Variants in ADAMTS17 observed in about 807,000 individuals in gnomAD.
The protein encoded by ADAMTS17 is A disintegrin and metalloproteinase with thrombospondin motifs 17.
In ADAMTS17, 113 loss-of-function variants were observed where a neutral mutation model predicts 141.5. The observed-to-expected ratio is 0.80, with a 90% CI of 0.69 to 0.93. The LOEUF (loss-of-function observed/expected upper bound fraction) is 0.93, where lower values mean the gene tolerates loss of function less well. Among genes scored for constraint, ADAMTS17 ranks in the 40% least tolerant of loss-of-function variants. The pLI, the probability that ADAMTS17 is intolerant of heterozygous loss-of-function variation, is 0.00. For missense variants in ADAMTS17, 1,659 were observed against 1,517.9 expected, an observed-to-expected ratio of 1.09 and a Z score of -1.54; for synonymous variants, 768 against 630.6, an observed-to-expected ratio of 1.22 and a Z score of -3.27.
intron 7 of ADAMTS17, among the ~76,000 whole-genome samples, chr15:100,252,763 G>C (rs2043193076): frequency 6.6e-6 from 1 of 152,220 alleles, no homozygotes; most frequent in African/African-American, 2.4e-5. Context: ...GGAGTTGGCT[G>C]GTTGCTTCTT....
intron 20 of ADAMTS17, among the ~76,000 whole-genome samples, chr15:99,981,949 G>C (rs1182843915): frequency 6.6e-6 from 1 of 152,220 alleles, no homozygotes. Flanking sequence ...TTTTGATGGA[G>C]AGGCCATGCA....
chr15:100,021,473 C>T (rs1181255385), intron 18 of ADAMTS17, among the ~76,000 whole-genome samples: 4 of 152,186 alleles, frequency 2.6e-5, no homozygotes, highest in African/African-American at 9.7e-5. Context: ...ACTGCACTGC[C>T]TCCCCAAAAA....
intron 10 of ADAMTS17, among the ~76,000 whole-genome samples, chr15:100,147,149 T>G (rs545475036): frequency 6.6e-6 from 1 of 152,246 alleles, no homozygotes; most frequent in South Asian, 2.1e-4. Context: ...GTTTTGTGGC[T>G]TGGGGGGCAT....
intron 21 of ADAMTS17, among the ~76,000 whole-genome samples, chr15:99,975,359 G>A (rs1194959358): frequency 6.6e-6 from 1 of 152,096 alleles, no homozygotes; most frequent in Non-Finnish European, 1.5e-5. Flanking sequence ...ACAGGCACAC[G>A]CCACCACGCC....
chr15:100,244,311 C>T (rs2042920760), intron 7 of ADAMTS17, among the ~76,000 whole-genome samples: 1 of 147,368 alleles, frequency 6.8e-6, no homozygotes. Context: ...CAAACCGTAT[C>T]AGTAAGTCAC....
At chr15:100,322,171 T>G (rs2045751722) in intron 3 of ADAMTS17, among the ~76,000 whole-genome samples, 1 of 152,144 alleles carries the variant, frequency 6.6e-6, no homozygotes. Flanking sequence ...GAAGGCCTGG[T>G]CAGTGCCATG....
chr15:100,300,328 A>G (rs1271884940), intron 3 of ADAMTS17, among the ~76,000 whole-genome samples: 1 of 152,156 alleles, frequency 6.6e-6, no homozygotes, highest in African/African-American at 2.4e-5. Flanking sequence ...TTTGGCCTAG[A>G]CCCATCATCA....
chr15:100,209,494 A>G (rs1394179011), intron 7 of ADAMTS17, among the ~76,000 whole-genome samples: 4 of 152,216 alleles, frequency 2.6e-5, no homozygotes, highest in African/African-American at 7.2e-5. Context: ...GTCATGAACT[A>G]AAGTCAAACT....
intron 15 of ADAMTS17, among the ~76,000 whole-genome samples, chr15:100,079,708 A>T (rs967688833): frequency 6.6e-6 from 1 of 152,040 alleles, no homozygotes; most frequent in African/African-American, 2.4e-5. Flanking sequence ...TGGAATAGAC[A>T]CTTACTCCGG....
At chr15:100,019,672 C>T (rs1490279175) in intron 18 of ADAMTS17, among the ~76,000 whole-genome samples, 1 of 152,198 alleles carries the variant, frequency 6.6e-6, no homozygotes, top group Non-Finnish European at 1.5e-5. Context: ...TTACTGCAAT[C>T]TCCTGATTTA....
chr15:100,056,223 G>A (rs192961862), intron 15 of ADAMTS17, among the ~76,000 whole-genome samples: 32 of 152,254 alleles, frequency 2.1e-4, no homozygotes, highest in East Asian at 3.9e-4. Flanking sequence ...GTGCATGGAC[G>A]TTCATCATTC....
At chr15:100,267,546 G>C (rs2043759494) in intron 4 of ADAMTS17, among the ~76,000 whole-genome samples, 1 of 151,982 alleles carries the variant, frequency 6.6e-6, no homozygotes, top group South Asian at 2.1e-4. Flanking sequence ...ATTTACTTTA[G>C]ATTCAGGGGT....
At chr15:99,986,455 C>T (rs570164919) in intron 20 of ADAMTS17, among the ~76,000 whole-genome samples, 3 of 152,216 alleles carry the variant, frequency 2.0e-5, no homozygotes, top group South Asian at 2.1e-4. Context: ...TCATTTGATT[C>T]GAAAGGCCTC....
At chr15:100,011,354 ACGGGAGGGAGAGAAGGAAAGGCAG>A (rs2061174010) in intron 18 of ADAMTS17, among the ~76,000 whole-genome samples, 1 of 2,958 alleles carries the variant, frequency 3.4e-4, no homozygotes, top group Non-Finnish European at 7.6e-4. Context: ...AGGAGGAGGG[ACGGGAGGGAGAGAAGGAAAGGCAG>A]TAAGGACAGA....
chr15:100,179,369 C>A (rs955180476), intron 8 of ADAMTS17, among the ~76,000 whole-genome samples: 2 of 152,154 alleles, frequency 1.3e-5, no homozygotes, highest in African/African-American at 4.8e-5. Flanking sequence ...GTTCCATCCA[C>A]GTTGTTGCAA....
chr15:100,092,518 T>C (rs1323712556), intron 15 of ADAMTS17, among the ~76,000 whole-genome samples: 2 of 152,208 alleles, frequency 1.3e-5, no homozygotes, highest in Non-Finnish European at 2.9e-5. Flanking sequence ...AGAAATACGT[T>C]GTAATTGGTT....
In ADAMTS17 at chr15:100,061,417, A is replaced by G. The variant is rs1459931399; in HGVS notation, c.2138-7363T>C. ...CCGAGCTCCGTGACTGGGAGCCACT[A>G]TCGCGGATGCTATTGTTCTTTTTTT... On this transcript the variant is annotated intron_variant, in intron 15 of 21. Coordinates refer to ENST00000268070, the MANE Select transcript of ADAMTS17 (RefSeq NM_139057.4). 2.6e-5 allele frequency among the ~76,000 whole-genome samples: 4 copies of G among 152,152 alleles called. No individual in the cohort carries two copies. The South Asian group carries it at 6.2e-4, about 24-fold the overall frequency.
chr15:99,976,137 G>A lies in ADAMTS17; in HGVS notation c.3035C>T (p.Pro1012Leu), dbSNP rs760134320. The A allele has an allele frequency of 4.5e-6, 7 of 1,551,062 alleles. No individual in the cohort carries two copies. The South Asian group carries it at 6.0e-5, about 13-fold the overall frequency. ...KVTGRHGSECPALSKPAPYRQ... is the reference protein window; with the variant it reads ...KVTGRHGSECLALSKPAPYRQ... ...GTAGGGGGCAGGCTTCGAGAGGGCG[G>A]GGCACTCGCTGCCGTGGCGCCCTGT... Residue 1012 changes from proline (P) to leucine (L), a missense_variant, in exon 21 of 22, where the codon CCC becomes CTC. Physicochemically the swap from Pro to Leu is moderately conservative, Grantham distance 98. Coordinates refer to ENST00000268070, the MANE Select transcript of ADAMTS17 (RefSeq NM_139057.4).
intron 15 of ADAMTS17, among the ~76,000 whole-genome samples, chr15:100,074,985 T>C (rs1049021343): frequency 4.6e-5 from 7 of 152,210 alleles, no homozygotes; most frequent in Admixed American, 3.9e-4. Context: ...CTGTATACTA[T>C]TTAGTTGGAT....
Sources: gnomAD v4.1 joint callset for allele counts (sites outside exome capture counted in the v4.1 genomes callset) on GRCh38, gnomAD v4.1.1 for gene constraint, MANE v1.5 for transcripts, NCBI Gene and HGNC (gene_info 2026-07-23, HGNC 2026-07-21) for gene names.